Variants in SRP54 observed in about 807,000 individuals in gnomAD.
SRP54 encodes the protein signal recognition particle 54.
Under a neutral mutation model 64.8 loss-of-function variants are expected in SRP54, and 10 were observed. The ratio of observed to expected loss-of-function variants is 0.15; its 90% CI spans 0.10 to 0.26. The LOEUF (loss-of-function observed/expected upper bound fraction) is 0.26. SRP54 is among the 10% of genes least tolerant of loss of function. SRP54 has a pLI of 1.00. For missense variants in SRP54, 325 were observed against 613.7 expected (o/e 0.53, Z 4.97); for synonymous variants, 193 against 185.6 (o/e 1.04, Z -0.32).
chr14:34,984,084 A>T (rs567479693), intron 1 of SRP54, among the ~76,000 whole-genome samples: 2 of 152,240 alleles, frequency 1.3e-5, no homozygotes, highest in African/African-American at 4.8e-5. Flanking sequence ...GCCAAAGGGG[A>T]GGGAAATATT....
At chr14:34,999,709 G>A in intron 3 of SRP54, 60 bp downstream of exon 3, 1 of 1,214,686 alleles carries the variant, frequency 8.2e-7, no homozygotes, top group African/African-American at 1.5e-5. Context: ...CTGGAAAGAG[G>A]TGCTAACTGG....
chr14:35,028,298 C>T, intron 15 of SRP54, 115 bp downstream of exon 15: 1 of 623,116 alleles, frequency 1.6e-6, no homozygotes, highest in South Asian at 2.9e-5. Flanking sequence ...TGTGTGATTT[C>T]AGGGAAATGG....
Position 34,988,578 on chromosome 14 carries a change from A to AAT in SRP54, c.-34+5379_-34+5380dup, listed in dbSNP as rs1555352766. On this transcript the variant is annotated intron_variant, in intron 1 of 15. Transcript: ENST00000216774. The stretch of plus-strand genomic sequence containing the variant: ...TCCATCTCAAAAAAAAAAAAAAAAA[A>AAT]ATATATATATATATATAACATATAT... Among the ~76,000 whole-genome samples, 257 of 47,080 alleles carry AAT rather than the reference A, an allele frequency of 5.5e-3. 27 individuals are homozygous for AAT. Among genetic ancestry groups the AAT allele is most frequent in the Middle Eastern group, 0.01 (1 of 96 alleles). 30.9% of individuals were successfully genotyped at this position (47,080 alleles called of 152,430 possible).
At chr14:34,991,115 T>C (rs1161007706) in intron 1 of SRP54, among the ~76,000 whole-genome samples, 2 of 124,970 alleles carry the variant, frequency 1.6e-5, no homozygotes, top group Admixed American at 8.2e-5. Flanking sequence ...TTTTCTTTTT[T>C]TTTTTTTTTT....
intron 13 of SRP54, among the ~76,000 whole-genome samples, chr14:35,020,930 C>G (rs1490766867): frequency 6.6e-6 from 1 of 152,116 alleles, no homozygotes; most frequent in Non-Finnish European, 1.5e-5. Flanking sequence ...GAATTAACGC[C>G]CCTTCCTCTA....
At chr14:34,985,176 G>A (rs2138953582) in intron 1 of SRP54, among the ~76,000 whole-genome samples, 1 of 152,238 alleles carries the variant, frequency 6.6e-6, no homozygotes, top group Non-Finnish European at 1.5e-5. Context: ...CAACAAAAGA[G>A]ACAAAAATTA....
chr14:35,019,726 A>G (rs2044495495), intron 13 of SRP54, among the ~76,000 whole-genome samples: 1 of 152,192 alleles, frequency 6.6e-6, no homozygotes, highest in East Asian at 1.9e-4. Flanking sequence ...GTTCTAGACC[A>G]CTGCAGTAAA....
intron 1 of SRP54, among the ~76,000 whole-genome samples, chr14:34,989,871 C>G (rs2043955509): frequency 6.6e-6 from 1 of 152,104 alleles, no homozygotes; most frequent in African/African-American, 2.4e-5. Flanking sequence ...CTCACAACAG[C>G]CCTTCAGGGT....
intron 5 of SRP54, 50 bp downstream of exon 5, chr14:35,007,437 T>A: frequency 8.4e-7 from 1 of 1,186,214 alleles, no homozygotes; most frequent in Non-Finnish European, 1.2e-6. Flanking sequence ...TAGGTTTGTA[T>A]AAATCAAGTT....
chr14:34,989,518 A>G (rs1249932187), intron 1 of SRP54, among the ~76,000 whole-genome samples: 1 of 152,188 alleles, frequency 6.6e-6, no homozygotes, highest in Non-Finnish European at 1.5e-5. Context: ...ATAGGATTTG[A>G]CATAGCTAAT....
chr14:34,991,127 T>TTTTTTTG (rs1555352960), intron 1 of SRP54, among the ~76,000 whole-genome samples: 1 of 123,128 alleles, frequency 8.1e-6, no homozygotes, highest in Non-Finnish European at 1.7e-5. Flanking sequence ...TTTTTTTTTT[T>TTTTTTTG]TTGTTGTTGT....
chr14:35,012,730 A>G (rs1276629027), intron 8 of SRP54, among the ~76,000 whole-genome samples: 1 of 152,158 alleles, frequency 6.6e-6, no homozygotes, highest in Non-Finnish European at 1.5e-5. Flanking sequence ...CCATACTTCA[A>G]AACTGATACT....
At chr14:35,028,510 T>C (rs1317471890) in intron 15 of SRP54, among the ~76,000 whole-genome samples, 1 of 152,212 alleles carries the variant, frequency 6.6e-6, no homozygotes, top group Non-Finnish European at 1.5e-5. Flanking sequence ...CTACTTTGAC[T>C]ATATAACCTT....
At chr14:35,005,344 CAAAA>C (rs1419990647) in intron 4 of SRP54, among the ~76,000 whole-genome samples, 2 of 151,592 alleles carry the variant, frequency 1.3e-5, no homozygotes, top group East Asian at 1.9e-4. Flanking sequence ...CTCAAAAAAA[CAAAA>C]AAAGTGGTAA....
At chr14:34,988,253 A>T (rs2138959220) in intron 1 of SRP54, among the ~76,000 whole-genome samples, 1 of 152,186 alleles carries the variant, frequency 6.6e-6, no homozygotes, top group East Asian at 1.9e-4. Flanking sequence ...TTAACATTGT[A>T]AAATTAGTCA....
At chr14:35,015,967 A>G (rs1275038785) in intron 11 of SRP54, among the ~76,000 whole-genome samples, 3 of 152,228 alleles carry the variant, frequency 2.0e-5, no homozygotes, top group Admixed American at 6.5e-5. Flanking sequence ...TCGTTGTCTT[A>G]TCAATGAATA....
chr14:34,993,729 T>C (rs889252830), intron 1 of SRP54, among the ~76,000 whole-genome samples: 6 of 152,178 alleles, frequency 3.9e-5, no homozygotes, highest in African/African-American at 1.4e-4. Flanking sequence ...AGTTTCACTC[T>C]TGTTGCCCAG....
At chr14:34,993,189 C>G (rs2044009724) in intron 1 of SRP54, 1 of 152,112 alleles carries the variant, frequency 6.6e-6, no homozygotes, top group Non-Finnish European at 1.5e-5. Flanking sequence ...GAAAGATGAT[C>G]TGTTTATGAC....
chr14:35,023,224 T>A (rs1247993802), intron 14 of SRP54, 144 bp downstream of exon 14: 1 of 640,136 alleles, frequency 1.6e-6, no homozygotes, highest in East Asian at 2.9e-5. Flanking sequence ...CTGTGATTTA[T>A]CTGTTTTCAT....
Sources: allele counts gnomAD v4.1 joint callset (sites outside exome capture counted in the v4.1 genomes callset), GRCh38; gene constraint gnomAD v4.1.1; transcripts MANE v1.5; gene names NCBI Gene and HGNC (gene_info 2026-07-23, HGNC 2026-07-21).